The following AUTS2 variants were observed in gnomAD, a reference collection of about 807,000 sequenced individuals.
AUTS2 encodes the protein autism susceptibility gene 2 protein.
Under a neutral mutation model 112.4 loss-of-function variants are expected in AUTS2, and 17 were observed. The observed-to-expected ratio is 0.15, with a 90% CI of 0.10 to 0.23. The LOEUF (loss-of-function observed/expected upper bound fraction) is 0.23. AUTS2 is among the 10% of genes least tolerant of loss of function. The pLI, the probability that AUTS2 is intolerant of heterozygous loss-of-function variation, is 1.00. For missense variants in AUTS2, 1,510 were observed against 1,701.6 expected, an observed-to-expected ratio of 0.89 and a Z score of 1.98; for synonymous variants, 751 against 702.7, an observed-to-expected ratio of 1.07 and a Z score of -1.09.
At chr7:70,142,612 C>T (rs1430553794) in intron 4 of AUTS2, among the ~76,000 whole-genome samples, 1 of 152,056 alleles carries the variant, frequency 6.6e-6, no homozygotes, top group Non-Finnish European at 1.5e-5. Context: ...TTTATATTTG[C>T]ATCATTCATT....
chr7:69,636,938 T>G (rs572788598), intron 1 of AUTS2, among the ~76,000 whole-genome samples: 14 of 152,188 alleles, frequency 9.2e-5, no homozygotes, highest in African/African-American at 2.9e-4. Flanking sequence ...GCTAATTTTT[T>G]GTATTTTTAG....
At chr7:70,188,187 A>G (rs897508240) in intron 4 of AUTS2, among the ~76,000 whole-genome samples, 5 of 152,184 alleles carry the variant, frequency 3.3e-5, no homozygotes, top group African/African-American at 9.6e-5. Context: ...ATGTTTGTTA[A>G]TTGGGGTGGT....
At position 70,781,688 on chromosome 7, in the gene AUTS2, C is replaced by A; in HGVS notation, c.2078C>A (p.Pro693His). The change falls in exon 15 of 19, where the codon CCC becomes CAC. Residue 693 changes from proline to histidine, a missense_variant. Physicochemically the swap from Pro to His is moderately conservative, Grantham distance 77. Transcript: ENST00000342771. ...KPEFLSRPPG[P>H]SLFGAIHHPH... Reference sequence around the variant, plus strand: ...GAGTTCCTGAGCCGCCCTCCAGGCCCCAGTCTTTTTGGAGCCATCCACCAC... The same window carrying A: ...GAGTTCCTGAGCCGCCCTCCAGGCCACAGTCTTTTTGGAGCCATCCACCAC... The A allele has an allele frequency of 6.2e-7, 1 of 1,614,204 alleles. No individual in the cohort carries two copies. The highest frequency in any genetic ancestry group is 2.2e-5 in the East Asian group (1 of 44,882).
At chr7:70,005,255 G>T (rs1175695901) in intron 2 of AUTS2, among the ~76,000 whole-genome samples, 1 of 152,012 alleles carries the variant, frequency 6.6e-6, no homozygotes, top group African/African-American at 2.4e-5. Flanking sequence ...ACCTGGTTTG[G>T]ATTTCCGTAG....
At chr7:69,608,114 T>C (rs1202511618) in intron 1 of AUTS2, among the ~76,000 whole-genome samples, 2 of 152,124 alleles carry the variant, frequency 1.3e-5, no homozygotes, top group Non-Finnish European at 2.9e-5. Flanking sequence ...ATGTATTTTT[T>C]GTAGAGATAG....
chr7:70,108,697 T>C (rs1804901553), intron 2 of AUTS2, among the ~76,000 whole-genome samples: 2 of 147,912 alleles, frequency 1.4e-5, no homozygotes, highest in African/African-American at 5.0e-5. Context: ...GAGCTGTGGC[T>C]CATGCCTGTA....
At chr7:70,653,787 T>G (rs187864757) in intron 5 of AUTS2, among the ~76,000 whole-genome samples, 25 of 152,194 alleles carry the variant, frequency 1.6e-4, no homozygotes, top group Non-Finnish European at 3.1e-4. Context: ...CTGGCTACAG[T>G]CACTGGCTCT....
Position 70,716,416 on chromosome 7 carries a change from G to A in AUTS2, c.742+17796G>A, listed in dbSNP as rs534329982. ...TGGGAGGCTGAGGCGGGTGGATCAC[G>A]AGGTCAGGAGATTGAGACCATCCTG... On this transcript the variant is annotated intron_variant, in intron 6 of 18. Transcript: ENST00000342771. Among the ~76,000 whole-genome samples the A allele has an allele frequency of 2.0e-5, 3 of 152,108 alleles. No individual in the cohort carries two copies. The South Asian group carries it at 6.2e-4, about 32-fold the overall frequency.
chr7:70,515,766 A>G (rs918218792), intron 5 of AUTS2, among the ~76,000 whole-genome samples: 1 of 152,128 alleles, frequency 6.6e-6, no homozygotes, highest in Non-Finnish European at 1.5e-5. Flanking sequence ...GTATAATACA[A>G]TAAGCATTAA....
At chr7:70,377,325 AATATATATATATATAT>A (rs58244266) in intron 4 of AUTS2, among the ~76,000 whole-genome samples, 6,524 of 52,180 alleles carry the variant, frequency 0.13, 496 homozygotes, top group Middle Eastern at 0.35. Context: ...AACAAATATA[AATATATATATATATAT>A]ATATATATAT....
At chr7:70,681,613 C>T (rs1362537084) in intron 5 of AUTS2, among the ~76,000 whole-genome samples, 2 of 152,058 alleles carry the variant, frequency 1.3e-5, no homozygotes, top group Non-Finnish European at 2.9e-5. Context: ...ACCACTACCA[C>T]CCCAACCCGC....
intron 1 of AUTS2, among the ~76,000 whole-genome samples, chr7:69,661,519 C>T (rs149890510): frequency 7.9e-4 from 120 of 152,190 alleles, no homozygotes; most frequent in African/African-American, 2.8e-3. Context: ...TTTCTTATGT[C>T]GTATGACCTG....
chr7:69,683,609 A>G (rs1796915959), intron 1 of AUTS2, among the ~76,000 whole-genome samples: 1 of 151,956 alleles, frequency 6.6e-6, no homozygotes, highest in South Asian at 2.1e-4. Flanking sequence ...CAAAACCAAA[A>G]AACGAGACTG....
At chr7:70,297,618 T>C (rs942787593) in intron 4 of AUTS2, among the ~76,000 whole-genome samples, 2 of 151,270 alleles carry the variant, frequency 1.3e-5, no homozygotes, top group Admixed American at 1.3e-4. Context: ...ATATTTGTAG[T>C]AGAGATGGGG....
At chr7:69,952,188 T>C (rs1797053720) in intron 2 of AUTS2, among the ~76,000 whole-genome samples, 1 of 152,212 alleles carries the variant, frequency 6.6e-6, no homozygotes, top group African/African-American at 2.4e-5. Flanking sequence ...AGTGTAAATT[T>C]ATATTTGTGG....
chr7:70,162,601 C>G (rs1808151365), intron 4 of AUTS2, among the ~76,000 whole-genome samples: 1 of 151,542 alleles, frequency 6.6e-6, no homozygotes, highest in African/African-American at 2.4e-5. Context: ...TGTGTTAACT[C>G]TTTAATTTTC....
intron 5 of AUTS2, among the ~76,000 whole-genome samples, chr7:70,468,247 C>T (rs1206641213): frequency 1.3e-5 from 2 of 152,140 alleles, no homozygotes; most frequent in Admixed American, 6.5e-5. Flanking sequence ...GGGTTTTCAG[C>T]GTAATTTTGT....
chr7:69,985,907 C>T, intron 2 of AUTS2, among the ~76,000 whole-genome samples: 1 of 152,100 alleles, frequency 6.6e-6, no homozygotes, highest in South Asian at 2.1e-4. Context: ...AGGCACGTGC[C>T]ACCATGCTTA....
At chr7:70,633,486 C>T (rs1805374862) in intron 5 of AUTS2, among the ~76,000 whole-genome samples, 1 of 151,810 alleles carries the variant, frequency 6.6e-6, no homozygotes, top group Non-Finnish European at 1.5e-5. Flanking sequence ...TGGTGGTCAT[C>T]TGTAATCCCA....
Sources: allele counts gnomAD v4.1 joint callset (sites outside exome capture counted in the v4.1 genomes callset), GRCh38; gene constraint gnomAD v4.1.1; transcripts MANE v1.5; gene names NCBI Gene and HGNC (gene_info 2026-07-23, HGNC 2026-07-21).